HTRA3: variants seen among roughly 807,000 people sequenced by gnomAD.
HTRA3 encodes HtrA serine peptidase 3.
Under a neutral mutation model 43.2 loss-of-function variants are expected in HTRA3, and 41 were observed. The observed-to-expected ratio is 0.95, with a 90% CI of 0.74 to 1.23. HTRA3 has a LOEUF of 1.23. Ranked by LOEUF, HTRA3 falls within the 50% of genes most tolerant of loss-of-function variation. HTRA3 has a pLI of 0.00. For synonymous variants in HTRA3, 295 were observed against 287.9 expected (o/e 1.02, Z -0.25); for missense variants, 628 against 647.1 (o/e 0.97, Z 0.32).
At chr4:8,278,634 G>A (rs1401996284) in intron 1 of HTRA3, among the ~76,000 whole-genome samples, 2 of 152,090 alleles carry the variant, frequency 1.3e-5, no homozygotes, top group Non-Finnish European at 2.9e-5. Context: ...GGGCACGGGG[G>A]CCCCTGCCCC....
intron 1 of HTRA3, 89 bp from the exon 2 acceptor site, chr4:8,282,348 C>G: frequency 3.9e-6 from 4 of 1,012,908 alleles, no homozygotes; most frequent in Non-Finnish European, 6.0e-6. Context: ...TCAGGAAGAG[C>G]CTCCTCCTTC....
intron 1 of HTRA3, among the ~76,000 whole-genome samples, chr4:8,276,125 C>T (rs1712514279): frequency 6.6e-6 from 1 of 152,250 alleles, no homozygotes; most frequent in African/African-American, 2.4e-5. Context: ...ACAGCCTGCC[C>T]ACCTGTGTGC....
intron 5 of HTRA3, among the ~76,000 whole-genome samples, chr4:8,293,883 G>A (rs755936365): frequency 1.3e-5 from 2 of 152,120 alleles, no homozygotes; most frequent in Non-Finnish European, 1.5e-5. Flanking sequence ...CAGGGATGGG[G>A]AAGGGGGATC....
Position 8,294,129 on chromosome 4 carries a change from G to C in HTRA3, c.979G>C (p.Gly327Arg). Residue 327 changes from glycine to arginine, a missense_variant, in exon 6 of 9, where the codon GGC becomes CGC. Gly to Arg is a moderately radical substitution (Grantham distance 125, BLOSUM62 -2). Transcript: ENST00000307358. The part of the protein sequence containing the change: ...IGINTLKVTA[G>R]ISFAIPSDRI... ...CATCAACACGCTCAAGGTCACGGCT[G>C]GCATCTCCTTTGCCATCCCCTCAGA... is the stretch of plus-strand genomic sequence containing the variant. 1 of 1,612,542 alleles carries C rather than the reference G, an allele frequency of 6.2e-7. No individual in the cohort carries two copies. Among genetic ancestry groups the C allele is most frequent in the East Asian group, 2.2e-5 (1 of 44,796 alleles).
intron 3 of HTRA3, among the ~76,000 whole-genome samples, chr4:8,291,124 C>G (rs913040909): frequency 6.6e-6 from 1 of 152,220 alleles, no homozygotes; most frequent in East Asian, 1.9e-4. Flanking sequence ...CATGCCTGCC[C>G]TGGGGGAACC....
At chr4:8,293,132 T>C (rs899323419) in intron 5 of HTRA3, among the ~76,000 whole-genome samples, 2 of 152,166 alleles carry the variant, frequency 1.3e-5, no homozygotes, top group African/African-American at 4.8e-5. Context: ...TGGTGGCCCA[T>C]GTCCTGCTGC....
chr4:8,273,447 C>G (rs977072672), intron 1 of HTRA3, among the ~76,000 whole-genome samples: 1 of 152,122 alleles, frequency 6.6e-6, no homozygotes, highest in Admixed American at 6.5e-5. Flanking sequence ...CTCTCCTCTC[C>G]CCTCCCCATG....
Position 8,279,437 on chromosome 4 carries a change from C to T in HTRA3, c.386-3000C>T, listed in dbSNP as rs770208989. Among the ~76,000 whole-genome samples the T allele has an allele frequency of 2.0e-5, 3 of 152,158 alleles. No individual in the cohort carries two copies. Among genetic ancestry groups the T allele is most frequent in the Non-Finnish European group, 4.4e-5 (3 of 68,034 alleles). On this transcript the variant is annotated intron_variant, in intron 1 of 8. Coordinates refer to ENST00000307358, the MANE Select transcript of HTRA3 (RefSeq NM_053044.5). This position sits in a 1 kb window ranked among gnomAD's most constrained non-coding sequence, Gnocchi z 7.4. ...GACCACACTGGGGAGAAAGTCCTTC[C>T]GGTGGAGGCCGCAGTGCTGTGCAGA... is the stretch of plus-strand genomic sequence containing the variant.
rs761789076 is a variant in HTRA3, at chr4:8,270,088, C to G, written c.120C>G (p.Pro40=). Residue 40 remains proline (P), a synonymous_variant, in exon 1 of 9, where the codon CCC becomes CCG. Coordinates refer to ENST00000307358, the MANE Select transcript of HTRA3 (RefSeq NM_053044.5). ...CGCGGTGTCCCAGCCCCCGCTGCCC[C>G]GGCGGCTACGTGCCCGACCTCTGCA... ...DVSRCPSPRC[P]GGYVPDLCNC... 1.4e-5 allele frequency: 22 copies of G among 1,530,184 alleles called. No individual in the cohort carries two copies. In the South Asian group the frequency reaches 1.7e-4, roughly 12 times the overall value. The allele number at this position is 1,530,184 out of a possible 1,614,324, so 94.8% of individuals were successfully genotyped here. A position where few individuals can be genotyped will look rare whatever the true frequency, so the allele number is the denominator to read the frequency against.
chr4:8,272,208 G>T (rs953877713), intron 1 of HTRA3, among the ~76,000 whole-genome samples: 1 of 152,224 alleles, frequency 6.6e-6, no homozygotes, highest in Non-Finnish European at 1.5e-5. Flanking sequence ...GACTTCTGGA[G>T]TTCGCGTCAT....
chr4:8,271,567 C>G (rs1712278529), intron 1 of HTRA3, among the ~76,000 whole-genome samples: 1 of 152,160 alleles, frequency 6.6e-6, no homozygotes, highest in Non-Finnish European at 1.5e-5. Flanking sequence ...TGGTACAACG[C>G]CTGAGACTGG....
chr4:8,292,530 G>T (rs912685170), intron 5 of HTRA3, among the ~76,000 whole-genome samples, 177 bp downstream of exon 5: 2 of 152,222 alleles, frequency 1.3e-5, no homozygotes, highest in African/African-American at 2.4e-5. Flanking sequence ...TGCCCCAAGC[G>T]CCTCGGGGAT....
At chr4:8,289,203 G>A (rs1259751969) in intron 3 of HTRA3, among the ~76,000 whole-genome samples, 1 of 152,132 alleles carries the variant, frequency 6.6e-6, no homozygotes, top group East Asian at 1.9e-4. Flanking sequence ...TCCTGCCTCG[G>A]CCTCCCAAAG....
At chr4:8,275,277 C>A (rs925486696) in intron 1 of HTRA3, among the ~76,000 whole-genome samples, 2 of 152,198 alleles carry the variant, frequency 1.3e-5, no homozygotes, top group Non-Finnish European at 2.9e-5. Flanking sequence ...CAGGCCTCTG[C>A]CCTCCCATGC....
intron 6 of HTRA3, among the ~76,000 whole-genome samples, chr4:8,302,228 A>G (rs1324674770): frequency 6.6e-6 from 1 of 152,172 alleles, no homozygotes; most frequent in Non-Finnish European, 1.5e-5. Flanking sequence ...TGCGGTGGAC[A>G]TGAAGCCACC....
At chr4:8,304,305 C>T (rs373801961) in intron 8 of HTRA3, 26 bp downstream of exon 8, 2,400 of 1,587,614 alleles carry the variant, frequency 1.5e-3, no homozygotes, top group Non-Finnish European at 2.0e-3. Context: ...GGAGATCGCT[C>T]GAGGCATGGG....
At chr4:8,285,010 G>A (rs1712899642) in intron 2 of HTRA3, among the ~76,000 whole-genome samples, 1 of 152,104 alleles carries the variant, frequency 6.6e-6, no homozygotes, top group African/African-American at 2.4e-5. Context: ...GGGGGATGTT[G>A]GGGGAGTGTC....
chr4:8,283,705 C>A (rs1008562480), intron 2 of HTRA3, among the ~76,000 whole-genome samples: 5 of 152,226 alleles, frequency 3.3e-5, no homozygotes, highest in Admixed American at 1.3e-4. Context: ...TCCAGGCGGA[C>A]ACGGAGCCGG....
chr4:8,288,191 C>T (rs182494126), intron 3 of HTRA3, among the ~76,000 whole-genome samples: 6 of 152,326 alleles, frequency 3.9e-5, no homozygotes, highest in East Asian at 3.9e-4. Flanking sequence ...TTCACGGTCG[C>T]GATTGAGTCT....
Sources: allele counts gnomAD v4.1 joint callset (sites outside exome capture counted in the v4.1 genomes callset), GRCh38; gene constraint gnomAD v4.1.1; non-coding constraint Gnocchi (gnomAD v3.1); transcripts MANE v1.5; gene names NCBI Gene and HGNC (gene_info 2026-07-23, HGNC 2026-07-21).